The following AKR1B10 variants were observed in gnomAD, a reference collection of about 807,000 sequenced individuals.
AKR1B10 encodes the protein aldo-keto reductase family 1 member B10.
Under a neutral mutation model 38.9 loss-of-function variants are expected in AKR1B10, and 39 were observed. The observed-to-expected ratio is 1.00, with a 90% CI of 0.78 to 1.31. The LOEUF (loss-of-function observed/expected upper bound fraction) is 1.31. Ranked by LOEUF, AKR1B10 falls within the 50% of genes most tolerant of loss-of-function variation. The pLI is 0.00. For missense variants in AKR1B10, 361 were observed against 382.6 expected (o/e 0.94, Z 0.47); for synonymous variants, 148 against 141.2 (o/e 1.05, Z -0.34).
chr7:134,527,997 C>T lies in AKR1B10; in HGVS notation c.66+20C>T, dbSNP rs779132332. The T allele has an allele frequency of 2.2e-5, 35 of 1,613,168 alleles. No homozygotes were observed. Among genetic ancestry groups the T allele is most frequent in the Non-Finnish European group, 2.9e-5 (34 of 1,179,204 alleles). On this transcript the variant is annotated intron_variant, in intron 1 of 9. Transcript: ENST00000359579. ...TGGAAGGTAAATATGCAAATCTTTG[C>T]ACACCCTTCTTCTCTGGAGGGGCGT...
At chr7:134,531,397 A>G (rs1807852202) in intron 2 of AKR1B10, among the ~76,000 whole-genome samples, 1 of 152,208 alleles carries the variant, frequency 6.6e-6, no homozygotes, top group African/African-American at 2.4e-5. Context: ...GGTACTTGGA[A>G]AATGCATACA....
chr7:134,537,158 G>C lies in AKR1B10; in HGVS notation c.659+1G>C. 1.9e-6 allele frequency: 3 copies of C among 1,580,036 alleles called. No individual in the cohort carries two copies. Among genetic ancestry groups the C allele is most frequent in the Non-Finnish European group, 2.6e-6 (3 of 1,166,238 alleles). ...CCCTGGGCTCTCCGGATAGACCTTG[G>C]TGAGGCTTCCAAGTGGTGGGTCTTT... On this transcript the variant is annotated splice_donor_variant, in intron 6 of 9. Coordinates refer to ENST00000359579, the MANE Select transcript of AKR1B10 (RefSeq NM_020299.5). LOFTEE classifies it high-confidence loss of function.
chr7:134,536,663 T>G lies in AKR1B10; in HGVS notation c.443T>G (p.Leu148Arg), dbSNP rs755891882. The G allele has an allele frequency of 1.2e-5, 19 of 1,613,762 alleles. No individual in the cohort carries two copies. Among genetic ancestry groups the G allele is most frequent in the Non-Finnish European group, 1.5e-5 (18 of 1,179,818 alleles). ...TTTCTATGATAGGCCATGGAGGAGC[T>G]GGTGGATGAGGGGCTGGTGAAAGCC... is the stretch of plus-strand genomic sequence containing the variant. ...FLDAWEAMEE[L>R]VDEGLVKALG... Residue 148 changes from leucine to arginine, a missense_variant, in exon 5 of 10, where the codon CTG becomes CGG. Physicochemically the swap from Leu to Arg is moderately radical, Grantham distance 102. Transcript: ENST00000359579.
chr7:134,530,882 A>G (rs1807837496), intron 2 of AKR1B10, 72 bp downstream of exon 2: 1 of 1,541,880 alleles, frequency 6.5e-7, no homozygotes. Context: ...GTTGGCAGCA[A>G]GAACTCTGTC....
intron 1 of AKR1B10, among the ~76,000 whole-genome samples, chr7:134,528,700 G>C (rs706182): frequency 0.12 from 17,952 of 152,086 alleles, 2,231 homozygotes; most frequent in African/African-American, 0.31. Flanking sequence ...ACTCCAGTCT[G>C]GGCAACAGAG....
intron 9 of AKR1B10, among the ~76,000 whole-genome samples, chr7:134,539,633 T>G (rs191777976): frequency 9.6e-4 from 146 of 152,218 alleles, no homozygotes; most frequent in Non-Finnish European, 1.2e-3. Context: ...GAGGTGGGAT[T>G]GTGTTTAGAA....
intron 1 of AKR1B10, among the ~76,000 whole-genome samples, chr7:134,528,630 G>A (rs572458817): frequency 1.3e-5 from 2 of 152,300 alleles, no homozygotes; most frequent in Admixed American, 1.3e-4. Flanking sequence ...AGGCTGAGGT[G>A]GAGATTGAGT....
intron 2 of AKR1B10, 124 bp from the exon 3 acceptor site, chr7:134,531,784 C>A: frequency 9.3e-7 from 1 of 1,078,696 alleles, no homozygotes; most frequent in Non-Finnish European, 1.4e-6. Flanking sequence ...GGATCTTAAT[C>A]AGCTTTGTTA....
intron 7 of AKR1B10, 32 bp downstream of exon 7, chr7:134,537,693 C>G: frequency 6.2e-7 from 1 of 1,609,414 alleles, no homozygotes; most frequent in Non-Finnish European, 8.5e-7. Flanking sequence ...TGTTATCCAA[C>G]AACTCATTCT....
intron 9 of AKR1B10, 71 bp downstream of exon 9, chr7:134,539,088 G>T: frequency 6.3e-7 from 1 of 1,581,654 alleles, no homozygotes; most frequent in Non-Finnish European, 8.7e-7. Flanking sequence ...TAGTTGGAAG[G>T]ATTGGAAGGC....
At chr7:134,530,959 T>G in intron 2 of AKR1B10, 149 bp downstream of exon 2, 1 of 1,184,960 alleles carries the variant, frequency 8.4e-7, no homozygotes, top group Non-Finnish European at 1.2e-6. Flanking sequence ...ACACTATCCA[T>G]ACTCCAAGCC....
In AKR1B10 at chr7:134,536,845, T is replaced by C. The variant is rs186224553; in HGVS notation, c.552+73T>C. ...TAAACATTGCGGGAGGAATGTTCAA[T>C]GCTATGCCCTGAGTCTCATCTCAGG... On this transcript the variant is annotated intron_variant, in intron 5 of 9. Coordinates refer to ENST00000359579, the MANE Select transcript of AKR1B10 (RefSeq NM_020299.5). The C allele has an allele frequency of 8.8e-6, 14 of 1,597,398 alleles. No homozygotes were observed. The East Asian group carries it at 3.1e-4, about 36-fold the overall frequency.
intron 2 of AKR1B10, among the ~76,000 whole-genome samples, chr7:134,531,067 C>A (rs1015814191): frequency 1.3e-5 from 2 of 152,176 alleles, no homozygotes; most frequent in Non-Finnish European, 1.5e-5. Context: ...CTGCCCTGGG[C>A]CTCCCTGTTC....
chr7:134,537,506 C>T (rs1808044368), intron 6 of AKR1B10, 74 bp from the exon 7 acceptor site: 1 of 1,494,618 alleles, frequency 6.7e-7, no homozygotes, highest in Non-Finnish European at 9.3e-7. Flanking sequence ...AGTCTTGAGA[C>T]CCTCATTGGA....
chr7:134,530,903 A>G (rs1249016410), intron 2 of AKR1B10, 93 bp downstream of exon 2: 17 of 1,480,156 alleles, frequency 1.1e-5, no homozygotes, highest in African/African-American at 5.6e-5. Flanking sequence ...AGCCTTTTCT[A>G]CATGTACCCC....
chr7:134,539,851 TTTA>T (rs1483950884), intron 9 of AKR1B10, among the ~76,000 whole-genome samples: 2 of 152,242 alleles, frequency 1.3e-5, no homozygotes, highest in Non-Finnish European at 2.9e-5. Context: ...TTGTCTGGCA[TTTA>T]TTACTGCCAG....
At chr7:134,536,581 G>C (rs2347378) in intron 4 of AKR1B10, 69 bp from the exon 5 acceptor site, 2 of 1,567,404 alleles carry the variant, frequency 1.3e-6, no homozygotes, top group East Asian at 2.3e-5. Context: ...GCCCCAGGGA[G>C]GACTAAGGCA....
chr7:134,536,871 G>T, intron 5 of AKR1B10, 99 bp downstream of exon 5: 1 of 1,582,918 alleles, frequency 6.3e-7, no homozygotes, highest in Non-Finnish European at 8.6e-7. Flanking sequence ...TCATCTCAGG[G>T]GTCAGTGATC....
Position 134,536,829 on chromosome 7 carries a change from C to T in AKR1B10, c.552+57C>T, listed in dbSNP as rs1027374694. ...CTGCCCTATTACTTCTTAAACATTG[C>T]GGGAGGAATGTTCAATGCTATGCCC... On this transcript the variant is annotated intron_variant, in intron 5 of 9. Transcript: ENST00000359579. 3.9e-5 allele frequency: 62 copies of T among 1,605,960 alleles called. 1 individual carries two copies. The South Asian group carries it at 4.0e-4, about 10-fold the overall frequency.
Sources: gnomAD v4.1 joint callset for allele counts (sites outside exome capture counted in the v4.1 genomes callset) on GRCh38, gnomAD v4.1.1 for gene constraint, MANE v1.5 for transcripts, NCBI Gene and HGNC (gene_info 2026-07-23, HGNC 2026-07-21) for gene names.